The following ADH1C variants were observed in gnomAD, a reference collection of about 807,000 sequenced individuals.
ADH1C encodes the protein alcohol dehydrogenase 1C (class I), gamma polypeptide, also known as alcohol dehydrogenase 1C.
Under a neutral mutation model 35.0 loss-of-function variants are expected in ADH1C, and 26 were observed. The observed-to-expected ratio is 0.74, with a 90% confidence interval of 0.54 to 1.03. The LOEUF (loss-of-function observed/expected upper bound fraction) is 1.03. ADH1C is among the 50% of genes least tolerant of loss of function. The pLI, the probability that ADH1C is intolerant of heterozygous loss-of-function variation, is 0.00. For missense variants in ADH1C, 413 were observed against 465.4 expected (o/e 0.89, Z 1.04); for synonymous variants, 170 against 169.3 (o/e 1.00, Z -0.03).
At position 99,340,667 on chromosome 4, in the gene ADH1C, A is replaced by G; in HGVS notation, c.872T>C (p.Val291Ala). 6.2e-7 allele frequency: 1 copy of G among 1,613,144 alleles called. No homozygotes were observed. Among genetic ancestry groups the G allele is most frequent in the East Asian group, 2.2e-5 (1 of 44,870 alleles). The part of the protein sequence containing the change: ...LCCHEACGTS[V>A]IVGVPPDSQN... ...GGAATCAGGAGGTACCCCTACAATG[A>G]CACTTGTGCCACATGCCTCATGACA... The change falls in exon 7 of 9, where the codon GTC becomes GCC. Residue 291 changes from valine to alanine, a missense_variant. By Grantham distance (64) the Val-to-Ala change is moderately conservative (BLOSUM62 0). Transcript: ENST00000515683.
At chr4:99,346,660 C>G (rs1734535918) in intron 3 of ADH1C, among the ~76,000 whole-genome samples, 1 of 152,026 alleles carries the variant, frequency 6.6e-6, no homozygotes, top group Admixed American at 6.6e-5. Context: ...TGGGCACTTA[C>G]AGAAGACAGT....
At chr4:99,342,766 G>T in intron 6 of ADH1C, 29 bp downstream of exon 6, 1 of 1,613,564 alleles carries the variant, frequency 6.2e-7, no homozygotes, top group Non-Finnish European at 8.5e-7. Flanking sequence ...TGCAGAGGCA[G>T]AAATTTCAGG....
intron 7 of ADH1C, 96 bp from the exon 8 acceptor site, chr4:99,339,811 C>G: frequency 7.9e-7 from 1 of 1,261,302 alleles, no homozygotes; most frequent in Non-Finnish European, 1.1e-6. Context: ...AGAAAAAGTG[C>G]TGCATTCCAG....
intron 1 of ADH1C, among the ~76,000 whole-genome samples, chr4:99,348,147 T>C (rs980322525): frequency 2.0e-5 from 3 of 152,078 alleles, no homozygotes; most frequent in Non-Finnish European, 4.4e-5. Flanking sequence ...TAATTATACT[T>C]TAAGTTTTAG....
At position 99,345,282 on chromosome 4, in the gene ADH1C, A is replaced by T; in HGVS notation, c.260-16T>A. On this transcript the variant is annotated splice_polypyrimidine_tract_variant and intron_variant, in intron 3 of 8. Coordinates refer to ENST00000515683, the MANE Select transcript of ADH1C (RefSeq NM_000669.5). ...ACTTTATCACCTGCAGAGGAATAAA[A>T]CAAATTCTTCTTAAATTTCTATGCA... The T allele has an allele frequency of 1.9e-6, 3 of 1,605,002 alleles. No individual in the cohort carries two copies. The highest frequency in any genetic ancestry group is 1.7e-4 in the Middle Eastern group (1 of 6,010).
At chr4:99,338,430 T>TATATATAC (rs1734333378) in intron 8 of ADH1C, among the ~76,000 whole-genome samples, 3 of 80,680 alleles carry the variant, frequency 3.7e-5, no homozygotes, top group Non-Finnish European at 7.0e-5. Context: ...TATATATATA[T>TATATATAC]ATATATATAT....
Position 99,344,880 on chromosome 4 carries a change from A to G in ADH1C, c.549T>C (p.Ser183=). The change falls in exon 5 of 9, where the codon TCT becomes TCC. Residue 183 remains serine (S), a synonymous_variant. Transcript: ENST00000515683. ...TTTCTACCTTGGCAACTTTGACTGC[A>G]GACCCATAACCAGTCGAAAATCCAC... ...IGCGFSTGYG[S]AVKVAKVTPG... 1 of 1,614,218 alleles carries G rather than the reference A, an allele frequency of 6.2e-7. No homozygotes were observed. The highest frequency in any genetic ancestry group is 1.1e-5 in the South Asian group (1 of 91,088).
chr4:99,339,640 A>T lies in ADH1C; in HGVS notation c.1040T>A (p.Ile347Lys), dbSNP rs1487825180. The T allele has an allele frequency of 6.2e-7, 1 of 1,611,584 alleles. No homozygotes were observed. The highest frequency in any genetic ancestry group is 1.7e-5 in the Admixed American group (1 of 59,782). ...MAKKFSLDALITNILPFEKIN... is the reference protein window; with the variant it reads ...MAKKFSLDALKTNILPFEKIN... ...TTTTTCAAAAGGTAAAATATTTGTT[A>T]TTAATGCATCCAGTGAAAACTTCTT... The change falls in exon 8 of 9, where the codon ATA becomes AAA. Residue 347 changes from isoleucine (I) to lysine (K), a missense_variant. Coordinates refer to ENST00000515683, the MANE Select transcript of ADH1C (RefSeq NM_000669.5).
At chr4:99,342,420 G>A (rs922637323) in intron 6 of ADH1C, among the ~76,000 whole-genome samples, 1 of 152,044 alleles carries the variant, frequency 6.6e-6, no homozygotes, top group Admixed American at 6.6e-5. Flanking sequence ...ACATAAAATT[G>A]TTAAAATATT....
chr4:99,348,811 C>A (rs1174229045), intron 1 of ADH1C, among the ~76,000 whole-genome samples: 1 of 152,132 alleles, frequency 6.6e-6, no homozygotes, highest in South Asian at 2.1e-4. Flanking sequence ...TTTTTAATGA[C>A]TGCCATTCTA....
chr4:99,346,865 A>G, intron 3 of ADH1C, 141 bp downstream of exon 3: 1 of 1,378,100 alleles, frequency 7.3e-7, no homozygotes, highest in Non-Finnish European at 9.8e-7. Flanking sequence ...GCAGAGAGGG[A>G]AGGAGGAAAC....
chr4:99,343,104 A>G, intron 5 of ADH1C, 49 bp from the exon 6 acceptor site: 6 of 1,596,290 alleles, frequency 3.8e-6, no homozygotes, highest in Non-Finnish European at 5.1e-6. Flanking sequence ...TTTGTTAGAA[A>G]TTGCTTAAGC....
At chr4:99,337,673 G>A (rs867167962) in intron 8 of ADH1C, among the ~76,000 whole-genome samples, 1 of 151,836 alleles carries the variant, frequency 6.6e-6, no homozygotes, top group Non-Finnish European at 1.5e-5. Context: ...AGAAGAAGCC[G>A]CTAAAAAAAA....
Position 99,339,601 on chromosome 4 carries a change from A to C in ADH1C, c.1079T>G (p.Phe360Cys). ...ILPFEKINEG[F>C]DLLRSGKSIR... ...CCTCTTTCCAGAGCGAAGCAGGTCA[A>C]ATCCTTCATTTATTTTTTCAAAAGG... Residue 360 changes from phenylalanine (F) to cysteine (C), a missense_variant, in exon 8 of 9, where the codon TTT becomes TGT. Transcript: ENST00000515683. 1 of 1,606,214 alleles carries C rather than the reference A, an allele frequency of 6.2e-7. No individual in the cohort carries two copies. The highest frequency in any genetic ancestry group is 1.7e-5 in the Admixed American group (1 of 58,866).
intron 1 of ADH1C, among the ~76,000 whole-genome samples, chr4:99,349,347 G>A (rs1734617998): frequency 6.6e-6 from 1 of 151,650 alleles, no homozygotes; most frequent in Admixed American, 6.6e-5. Flanking sequence ...TCTACATATG[G>A]CTAGCCAGTT....
chr4:99,339,508 CAACG>C (rs2110653400), intron 8 of ADH1C, 65 bp downstream of exon 8: 10 of 1,138,758 alleles, frequency 8.8e-6, no homozygotes, highest in East Asian at 3.0e-5. Context: ...CTCTGCTAGA[CAACG>C]CCCCCCCCCC....
chr4:99,336,584 T>A lies in ADH1C; in HGVS notation c.*168A>T. ...TCTCATTTGGATTTTAAACATTTGC[T>A]TGACAAATAATTTCCCATCAATTTC... On this transcript the variant is annotated 3_prime_UTR_variant, in exon 9 of 9. Coordinates refer to ENST00000515683, the MANE Select transcript of ADH1C (RefSeq NM_000669.5). 1 of 861,826 alleles carries A rather than the reference T, an allele frequency of 1.2e-6. No individual in the cohort carries two copies. The highest frequency in any genetic ancestry group is 1.8e-6 in the Non-Finnish European group (1 of 549,510). 53.4% of individuals were successfully genotyped at this position (861,826 alleles called of 1,614,324 possible). A position where few individuals can be genotyped will look rare whatever the true frequency, so the allele number is the denominator to read the frequency against.
intron 2 of ADH1C, 149 bp downstream of exon 2, chr4:99,347,596 A>ATTTAT: frequency 1.1e-6 from 1 of 904,998 alleles, no homozygotes; most frequent in Non-Finnish European, 1.6e-6. Flanking sequence ...AAAATTTAAC[A>ATTTAT]ATTTATACTT....
chr4:99,345,303 A>C (rs748609882), intron 3 of ADH1C, 37 bp from the exon 4 acceptor site: 1 of 1,573,732 alleles, frequency 6.4e-7, no homozygotes, highest in South Asian at 1.1e-5. Flanking sequence ...TTAAATTTCT[A>C]TGCAGGAATT....
Sources: allele counts gnomAD v4.1 joint callset (sites outside exome capture counted in the v4.1 genomes callset), GRCh38; gene constraint gnomAD v4.1.1; transcripts MANE v1.5; gene names NCBI Gene and HGNC (gene_info 2026-07-23, HGNC 2026-07-21).